ERC2: variants seen among roughly 807,000 people sequenced by gnomAD.
The protein encoded by ERC2 is ERC protein 2.
Under a neutral mutation model 114.8 loss-of-function variants are expected in ERC2, and 42 were observed. The observed-to-expected ratio is 0.37, with a 90% CI of 0.29 to 0.47. The LOEUF (loss-of-function observed/expected upper bound fraction) is 0.47. ERC2 is among the 20% of genes least tolerant of loss of function. The probability of loss-of-function intolerance (pLI) is 0.99; values close to 1 mark genes in which losing one functional copy is unlikely to be tolerated. For synonymous variants in ERC2, 454 were observed against 425.5 expected (o/e 1.07, Z -0.82); for missense variants, 939 against 1,150.7 (o/e 0.82, Z 2.66).
intron 2 of ERC2, among the ~76,000 whole-genome samples, chr3:56,349,912 C>CAAAAAA (rs35271051): frequency 8.0e-6 from 1 of 125,240 alleles, no homozygotes; most frequent in Non-Finnish European, 1.7e-5. Flanking sequence ...GACTCCGTCT[C>CAAAAAA]AAAAAAAAAA....
chr3:56,400,730 T>C (rs1423812663), intron 2 of ERC2, among the ~76,000 whole-genome samples: 1 of 152,230 alleles, frequency 6.6e-6, no homozygotes, highest in Non-Finnish European at 1.5e-5. Flanking sequence ...AATGAATGAC[T>C]TTGCTAATAC....
chr3:55,612,419 C>A (rs1291414407), intron 17 of ERC2, among the ~76,000 whole-genome samples: 1 of 152,180 alleles, frequency 6.6e-6, no homozygotes, highest in African/African-American at 2.4e-5. Context: ...GCTTTTGCCC[C>A]AGGTAAGCCT....
At chr3:56,076,971 CTA>C (rs1344657450) in intron 7 of ERC2, among the ~76,000 whole-genome samples, 1 of 152,140 alleles carries the variant, frequency 6.6e-6, no homozygotes, top group Non-Finnish European at 1.5e-5. Context: ...GCGAAAGAGT[CTA>C]TGAGAAAGAA....
chr3:55,669,030 G>A (rs568602731), intron 17 of ERC2, among the ~76,000 whole-genome samples: 1 of 152,244 alleles, frequency 6.6e-6, no homozygotes, highest in South Asian at 2.1e-4. Context: ...CAAATAATCT[G>A]AATAATTTGT....
chr3:55,588,738 C>T (rs2057720336), intron 17 of ERC2, among the ~76,000 whole-genome samples: 2 of 152,264 alleles, frequency 1.3e-5, no homozygotes, highest in South Asian at 4.1e-4. Context: ...GCTCCCCCTT[C>T]CTTCCCACAA....
chr3:56,218,817 T>C (rs1575898195), intron 3 of ERC2, among the ~76,000 whole-genome samples: 1 of 152,064 alleles, frequency 6.6e-6, no homozygotes, highest in African/African-American at 2.4e-5. Context: ...CCATAAAAAA[T>C]GATGAGTTCA....
chr3:55,679,991 G>T lies in ERC2; in HGVS notation c.*39+3803C>A, dbSNP rs373720490. On this transcript the variant is annotated intron_variant, in intron 17 of 17. Transcript: ENST00000288221. Reference sequence around the variant, plus strand: ...TTTCATTCTTCCAGAGGGGAGGCATGGCAGGGAGTTCCACTGGGCCATCCA... The same window carrying T: ...TTTCATTCTTCCAGAGGGGAGGCATTGCAGGGAGTTCCACTGGGCCATCCA... Among the ~76,000 whole-genome samples, 16 of 152,300 alleles carry T rather than the reference G, an allele frequency of 1.1e-4. No homozygotes were observed. In the South Asian group the frequency reaches 2.3e-3, roughly 22 times the overall value.
intron 14 of ERC2, among the ~76,000 whole-genome samples, chr3:55,768,792 G>A (rs113514449): frequency 7.2e-5 from 11 of 152,300 alleles, no homozygotes; most frequent in African/African-American, 1.9e-4. Context: ...AGTAGGCAGC[G>A]GGCAGCAGCA....
At chr3:56,409,175 A>T (rs1349570037) in intron 2 of ERC2, among the ~76,000 whole-genome samples, 3 of 152,158 alleles carry the variant, frequency 2.0e-5, no homozygotes, top group Non-Finnish European at 2.9e-5. Context: ...AGGGCTTCGC[A>T]TTGTATCAAC....
chr3:55,907,303 C>A (rs2149356574), intron 13 of ERC2, among the ~76,000 whole-genome samples: 1 of 152,320 alleles, frequency 6.6e-6, no homozygotes, highest in Non-Finnish European at 1.5e-5. Context: ...GCCACTTGCT[C>A]CTGTATGTCT....
At chr3:56,091,417 T>C (rs1471389371) in intron 6 of ERC2, among the ~76,000 whole-genome samples, 1 of 151,968 alleles carries the variant, frequency 6.6e-6, no homozygotes, top group Non-Finnish European at 1.5e-5. Flanking sequence ...GGAAAGGAAA[T>C]CAAGAGTTTA....
At chr3:55,963,540 T>C (rs1413067426) in intron 12 of ERC2, among the ~76,000 whole-genome samples, 2 of 152,156 alleles carry the variant, frequency 1.3e-5, no homozygotes, top group Non-Finnish European at 2.9e-5. Context: ...AGACATAAGA[T>C]AAAAACTCCT....
rs1271023337 is a variant in ERC2, at chr3:55,680,506, A to G, written c.*39+3288T>C. The stretch of plus-strand genomic sequence containing the variant: ...TGCTGACACAAATGATACCTACATT[A>G]AGTGGATTTTCCTGAAGAACAATTA... On this transcript the variant is annotated intron_variant, in intron 17 of 17. Coordinates refer to ENST00000288221, the MANE Select transcript of ERC2 (RefSeq NM_015576.3). 2.0e-5 allele frequency among the ~76,000 whole-genome samples: 3 copies of G among 152,356 alleles called. No homozygotes were observed. The East Asian group carries it at 5.8e-4, about 29-fold the overall frequency.
At chr3:56,261,026 C>T (rs942903419) in intron 3 of ERC2, among the ~76,000 whole-genome samples, 8 of 152,220 alleles carry the variant, frequency 5.3e-5, no homozygotes, top group South Asian at 2.1e-4. Flanking sequence ...GAGTCACACG[C>T]GACTGTAACT....
intron 14 of ERC2, among the ~76,000 whole-genome samples, chr3:55,843,129 G>T (rs2149219608): frequency 6.6e-6 from 1 of 152,238 alleles, no homozygotes; most frequent in South Asian, 2.1e-4. Flanking sequence ...CTAAGTTTGG[G>T]CCAAGGTATG....
intron 2 of ERC2, among the ~76,000 whole-genome samples, chr3:56,321,555 A>G (rs1364960207): frequency 6.6e-6 from 1 of 152,234 alleles, no homozygotes; most frequent in Non-Finnish European, 1.5e-5. Flanking sequence ...TTTATAGGAT[A>G]AACACTGAAG....
At chr3:55,785,091 T>G (rs1301872015) in intron 14 of ERC2, among the ~76,000 whole-genome samples, 1 of 152,174 alleles carries the variant, frequency 6.6e-6, no homozygotes, top group Non-Finnish European at 1.5e-5. Flanking sequence ...CAGGAAAGAC[T>G]TCTTGCAAAA....
At chr3:55,568,373 T>G (rs1445968405) in intron 17 of ERC2, among the ~76,000 whole-genome samples, 2 of 152,146 alleles carry the variant, frequency 1.3e-5, no homozygotes, top group African/African-American at 2.4e-5. Context: ...AAGCAATAGT[T>G]AGCAGGCATC....
At chr3:56,348,167 C>G (rs932472933) in intron 2 of ERC2, among the ~76,000 whole-genome samples, 2 of 152,176 alleles carry the variant, frequency 1.3e-5, no homozygotes, top group African/African-American at 4.8e-5. Context: ...TCTTGCTTCC[C>G]TCTTCCTTTC....
Sources: allele counts gnomAD v4.1 joint callset (sites outside exome capture counted in the v4.1 genomes callset), GRCh38; gene constraint gnomAD v4.1.1; transcripts MANE v1.5; gene names NCBI Gene and HGNC (gene_info 2026-07-23, HGNC 2026-07-21).